Variants in DYNLT2B observed in about 807,000 individuals in gnomAD.
The protein encoded by DYNLT2B is dynein light chain Tctex-type protein 2B.
Under a neutral mutation model 19.5 loss-of-function variants are expected in DYNLT2B, and 14 were observed. The observed-to-expected ratio is 0.72, with a 90% CI of 0.47 to 1.12. The LOEUF is 1.12. DYNLT2B is among the 50% of genes most tolerant of loss of function. The pLI, the probability that DYNLT2B is intolerant of heterozygous loss-of-function variation, is 0.00. For synonymous variants in DYNLT2B, 70 were observed against 59.7 expected (o/e 1.17, Z -0.79); for missense variants, 133 against 174.7 (o/e 0.76, Z 1.35).
intron 4 of DYNLT2B, 71 bp from the exon 5 acceptor site, chr3:196,291,445 G>C: frequency 6.7e-7 from 1 of 1,483,910 alleles, no homozygotes; most frequent in Non-Finnish European, 9.1e-7. Flanking sequence ...AGCAGCACAG[G>C]CAACTGAAAC....
chr3:196,317,280 GT>G lies in DYNLT2B; in HGVS notation c.113+759del, dbSNP rs1207553893. 2.8e-3 allele frequency among the ~76,000 whole-genome samples: 222 copies of G among 78,716 alleles called. 46 individuals are homozygous for G. The highest frequency in any genetic ancestry group is 4.8e-3 in the East Asian group (3 of 626). 51.6% of individuals were successfully genotyped at this position (78,716 alleles called of 152,430 possible). Reference sequence around the variant, plus strand: ...ACATTTTTTTTCAGTGTGTGTGTGTGTTGTGTGTGTGTGTGTGTGTAAAGTT... The same window carrying G: ...ACATTTTTTTTCAGTGTGTGTGTGTGTGTGTGTGTGTGTGTGTGTAAAGTT... On this transcript the variant is annotated intron_variant, in intron 1 of 4. Transcript: ENST00000325318.
At chr3:196,315,920 G>C (rs574050598) in intron 2 of DYNLT2B, among the ~76,000 whole-genome samples, 178 bp downstream of exon 2, 1 of 152,202 alleles carries the variant, frequency 6.6e-6, no homozygotes, top group African/African-American at 2.4e-5. Context: ...GCCTAGGCTG[G>C]TACTGAACTC....
intron 2 of DYNLT2B, among the ~76,000 whole-genome samples, chr3:196,312,131 C>T (rs1405051563): frequency 6.6e-6 from 1 of 152,174 alleles, no homozygotes; most frequent in Non-Finnish European, 1.5e-5. Context: ...CCGCCCGCCT[C>T]GGCCTCCCTA....
At position 196,316,379 on chromosome 3, in the gene DYNLT2B, C is replaced by T. The variant is rs191903469; in HGVS notation, c.114-148G>A. On this transcript the variant is annotated intron_variant, in intron 1 of 4. Coordinates refer to ENST00000325318, the MANE Select transcript of DYNLT2B (RefSeq NM_152773.5). ...ATTATAAAATATAAACAAATTAAGA[C>T]AAATCATAGGCCACATGTGTATCTT... is the stretch of plus-strand genomic sequence containing the variant. 3.2e-5 allele frequency: 27 copies of T among 853,842 alleles called. No individual in the cohort carries two copies. In the African/African-American group the frequency reaches 4.5e-4, roughly 14 times the overall value. The allele number at this position is 853,842 out of a possible 1,614,324, so 52.9% of individuals were successfully genotyped here.
intron 3 of DYNLT2B, chr3:196,305,862 C>T (rs987783777): frequency 1.3e-5 from 2 of 153,350 alleles, no homozygotes; most frequent in African/African-American, 2.4e-5. Context: ...AAAAACAACA[C>T]ATTGAAGTAA....
rs559040045 is a variant in DYNLT2B, at chr3:196,310,391, C to T, written c.248-3379G>A. ...CCTCCCAAAGTGCTGGGATTACAGGCGTGAGCCACCGCACCTGGCCAGGTT... is the reference window on the plus strand; with the variant it reads ...CCTCCCAAAGTGCTGGGATTACAGGTGTGAGCCACCGCACCTGGCCAGGTT... On this transcript the variant is annotated intron_variant, in intron 2 of 4. Coordinates refer to ENST00000325318, the MANE Select transcript of DYNLT2B (RefSeq NM_152773.5). 2.0e-5 allele frequency among the ~76,000 whole-genome samples: 3 copies of T among 151,232 alleles called. No homozygotes were observed. The East Asian group carries it at 5.9e-4, about 30-fold the overall frequency.
intron 4 of DYNLT2B, among the ~76,000 whole-genome samples, chr3:196,293,198 C>A (rs950941002): frequency 2.0e-5 from 3 of 152,110 alleles, no homozygotes; most frequent in Admixed American, 6.6e-5. Context: ...ATTGAGTGGC[C>A]CCCACTGGAT....
intron 3 of DYNLT2B, 151 bp from the exon 4 acceptor site, chr3:196,296,220 G>T: frequency 1.5e-6 from 1 of 648,402 alleles, no homozygotes; most frequent in Non-Finnish European, 2.7e-6. Flanking sequence ...TATTGTATTT[G>T]TACCAGAGAG....
At chr3:196,292,218 C>T (rs2108788920) in intron 4 of DYNLT2B, 1 of 152,296 alleles carries the variant, frequency 6.6e-6, no homozygotes, top group South Asian at 2.1e-4. Context: ...AGAGCCCAGT[C>T]AAATTGCTTA....
chr3:196,312,268 T>C (rs1444641795), intron 2 of DYNLT2B, among the ~76,000 whole-genome samples: 1 of 151,978 alleles, frequency 6.6e-6, no homozygotes, highest in Non-Finnish European at 1.5e-5. Context: ...CTCACCTGTC[T>C]TGGCCTCCCA....
Position 196,297,507 on chromosome 3 carries a change from AGAGT to A in DYNLT2B, c.318-1442_318-1439del, listed in dbSNP as rs1260653499. Among the ~76,000 whole-genome samples, 97 of 152,124 alleles carry A rather than the reference AGAGT, an allele frequency of 6.4e-4. 1 individual carries two copies. Among genetic ancestry groups the A allele is most frequent in the Non-Finnish European group, 1.5e-5 (1 of 68,038 alleles). The stretch of plus-strand genomic sequence containing the variant: ...GCCACTGCACTCCAGCCTTGGCGAC[AGAGT>A]GAGACTCTGTCTCAAAAACTAATAA... On this transcript the variant is annotated intron_variant, in intron 3 of 4. Transcript: ENST00000325318.
chr3:196,301,774 T>TA (rs1220008887), intron 3 of DYNLT2B, among the ~76,000 whole-genome samples: 1 of 151,650 alleles, frequency 6.6e-6, no homozygotes, highest in African/African-American at 2.4e-5. Context: ...TGGGGAGGGT[T>TA]AAAAAAGATT....
At chr3:196,313,206 T>C (rs1284123186) in intron 2 of DYNLT2B, among the ~76,000 whole-genome samples, 2 of 151,806 alleles carry the variant, frequency 1.3e-5, no homozygotes, top group Non-Finnish European at 2.9e-5. Context: ...ATGATTTTTT[T>C]TTTTTTTTTG....
intron 3 of DYNLT2B, among the ~76,000 whole-genome samples, chr3:196,300,680 G>C (rs897137616): frequency 1.5e-5 from 2 of 135,888 alleles, no homozygotes; most frequent in African/African-American, 2.7e-5. Context: ...GGTGAGCCAA[G>C]ATCATGCCAT....
intron 3 of DYNLT2B, among the ~76,000 whole-genome samples, chr3:196,306,247 C>CAA (rs112341100): frequency 1.4e-4 from 15 of 104,542 alleles, no homozygotes; most frequent in Admixed American, 1.8e-4. Context: ...CCCATCTCTG[C>CAA]AAAAAAAAAA....
At chr3:196,306,604 A>T (rs1212353118) in intron 3 of DYNLT2B, among the ~76,000 whole-genome samples, 1 of 152,170 alleles carries the variant, frequency 6.6e-6, no homozygotes, top group Non-Finnish European at 1.5e-5. Flanking sequence ...GCTGGAGTGC[A>T]ATGACACGAT....
chr3:196,311,287 C>T (rs1373838172), intron 2 of DYNLT2B, among the ~76,000 whole-genome samples: 3 of 151,796 alleles, frequency 2.0e-5, no homozygotes, highest in Middle Eastern at 3.4e-3. Context: ...TGGTGGCAGG[C>T]GCCTGTAGTC....
chr3:196,310,397 CCACCG>C (rs1333804323), intron 2 of DYNLT2B, among the ~76,000 whole-genome samples: 4 of 151,540 alleles, frequency 2.6e-5, no homozygotes, highest in African/African-American at 9.7e-5. Flanking sequence ...CAGGCGTGAG[CCACCG>C]CACCTGGCCA....
chr3:196,302,113 G>GA (rs1270720495), intron 3 of DYNLT2B, among the ~76,000 whole-genome samples: 2 of 151,712 alleles, frequency 1.3e-5, no homozygotes, highest in Admixed American at 6.6e-5. Flanking sequence ...TCTGAAAAAA[G>GA]AAAAAATATA....
Sources: gnomAD v4.1 joint callset for allele counts (sites outside exome capture counted in the v4.1 genomes callset) on GRCh38, gnomAD v4.1.1 for gene constraint, MANE v1.5 for transcripts, NCBI Gene and HGNC (gene_info 2026-07-23, HGNC 2026-07-21) for gene names.